The following PDE7B variants were observed in gnomAD, a reference collection of about 807,000 sequenced individuals.
PDE7B encodes the protein 3',5'-cyclic-AMP phosphodiesterase 7B.
In PDE7B, 29 loss-of-function variants were observed where a neutral mutation model predicts 56.2. That is an observed-to-expected ratio of 0.52 (90% CI 0.38 to 0.70). The LOEUF is 0.70. PDE7B is among the 30% of genes least tolerant of loss of function. The pLI is 0.00. For synonymous variants in PDE7B, 197 were observed against 196.9 expected (o/e 1.00, Z 0.00); for missense variants, 490 against 565.0 (o/e 0.87, Z 1.35).
At chr6:136,162,264 C>T (rs1055861050) in intron 8 of PDE7B, 1 of 152,154 alleles carries the variant, frequency 6.6e-6, no homozygotes, top group African/African-American at 2.4e-5. Context: ...TTCTGCAGGG[C>T]TGGGGAGGCC....
intron 2 of PDE7B, among the ~76,000 whole-genome samples, chr6:136,056,388 T>TA (rs1296089441): frequency 6.6e-6 from 1 of 152,204 alleles, no homozygotes; most frequent in Non-Finnish European, 1.5e-5. Context: ...TGGGCCATCT[T>TA]AAAAACTGTC....
intron 1 of PDE7B, among the ~76,000 whole-genome samples, chr6:135,864,783 C>T (rs1053554685): frequency 2.0e-5 from 3 of 151,810 alleles, no homozygotes; most frequent in Non-Finnish European, 4.4e-5. Flanking sequence ...TTATCTCTAG[C>T]CTTTCTTTTT....
chr6:136,028,490 A>G (rs1776188777), intron 2 of PDE7B, among the ~76,000 whole-genome samples: 1 of 152,212 alleles, frequency 6.6e-6, no homozygotes, highest in Non-Finnish European at 1.5e-5. Flanking sequence ...AAACAACACA[A>G]ATTCATTATC....
At chr6:135,930,190 A>C (rs1774271002) in intron 1 of PDE7B, among the ~76,000 whole-genome samples, 1 of 152,182 alleles carries the variant, frequency 6.6e-6, no homozygotes, top group South Asian at 2.1e-4. Context: ...GGCAGCAGGC[A>C]AAGAGAGAGC....
chr6:135,903,208 C>G (rs2128192178), intron 1 of PDE7B, among the ~76,000 whole-genome samples: 1 of 152,300 alleles, frequency 6.6e-6, no homozygotes, highest in South Asian at 2.1e-4. Context: ...GGCCCAAACA[C>G]TGTACTCAAC....
chr6:135,915,386 A>T (rs1773890013), intron 1 of PDE7B, among the ~76,000 whole-genome samples: 1 of 152,138 alleles, frequency 6.6e-6, no homozygotes, highest in Non-Finnish European at 1.5e-5. Context: ...TCCTTGTAAG[A>T]CTTTGCATTC....
At chr6:135,906,829 T>TTTTTTGTTTTTTTTTTTTTTTG (rs1776123254) in intron 1 of PDE7B, among the ~76,000 whole-genome samples, 1 of 142,604 alleles carries the variant, frequency 7.0e-6, no homozygotes, top group African/African-American at 2.8e-5. Context: ...TTTTTTTTTT[T>TTTTTTGTTTTTTTTTTTTTTTG]TTTTTTTAAT....
At chr6:136,049,769 G>T (rs1459317169) in intron 2 of PDE7B, among the ~76,000 whole-genome samples, 1 of 152,214 alleles carries the variant, frequency 6.6e-6, no homozygotes, top group Non-Finnish European at 1.5e-5. Flanking sequence ...AGCATTAGGA[G>T]TGAAGAAGAG....
intron 1 of PDE7B, among the ~76,000 whole-genome samples, chr6:135,871,842 T>C (rs1775387802): frequency 6.8e-6 from 1 of 147,552 alleles, no homozygotes; most frequent in South Asian, 2.1e-4. Context: ...GGTGGAAAGA[T>C]CTAAGTAACT....
At chr6:136,101,490 T>C (rs138912884) in intron 2 of PDE7B, among the ~76,000 whole-genome samples, 2 of 152,338 alleles carry the variant, frequency 1.3e-5, no homozygotes, top group East Asian at 3.9e-4. Context: ...GCTTTAGTCT[T>C]GGGAGGGTGT....
At chr6:135,853,816 G>T (rs578025127) in intron 1 of PDE7B, among the ~76,000 whole-genome samples, 21 of 151,968 alleles carry the variant, frequency 1.4e-4, no homozygotes, top group African/African-American at 4.8e-4. Flanking sequence ...ATAATTACAC[G>T]AGTGCATCAT....
chr6:136,183,628 AAG>A (rs1033713808), intron 11 of PDE7B, among the ~76,000 whole-genome samples: 3 of 151,564 alleles, frequency 2.0e-5, no homozygotes, highest in East Asian at 1.9e-4. Context: ...AGAAAAAAAA[AAG>A]AGTAGATTCC....
At chr6:136,036,981 T>G (rs1466350694) in intron 2 of PDE7B, among the ~76,000 whole-genome samples, 1 of 152,222 alleles carries the variant, frequency 6.6e-6, no homozygotes, top group African/African-American at 2.4e-5. Context: ...CGCCTTTTGT[T>G]GAATTGGTTC....
chr6:136,131,507 T>TC (rs1227455924), intron 3 of PDE7B, among the ~76,000 whole-genome samples: 1 of 147,428 alleles, frequency 6.8e-6, no homozygotes, highest in African/African-American at 2.5e-5. Flanking sequence ...TTTTTTTTTT[T>TC]TTTTTTTTTT....
At chr6:136,079,541 A>G (rs893406404) in intron 2 of PDE7B, among the ~76,000 whole-genome samples, 1 of 152,172 alleles carries the variant, frequency 6.6e-6, no homozygotes, top group African/African-American at 2.4e-5. Context: ...GTTCTGCTGG[A>G]CAGTGCTGAG....
intron 2 of PDE7B, among the ~76,000 whole-genome samples, chr6:136,040,681 C>CAA (rs1776398307): frequency 6.6e-6 from 1 of 152,236 alleles, no homozygotes; most frequent in South Asian, 2.1e-4. Context: ...AACAGCAAGA[C>CAA]ACGGTGCTCC....
Position 136,001,931 on chromosome 6 carries a change from T to G in PDE7B, c.82+54407T>G, listed in dbSNP as rs563670802. Among the ~76,000 whole-genome samples, 36 of 151,736 alleles carry G rather than the reference T, an allele frequency of 2.4e-4. No homozygotes were observed. The East Asian group carries it at 6.2e-3, about 26-fold the overall frequency. On this transcript the variant is annotated intron_variant, in intron 2 of 12. Transcript: ENST00000308191. ...ACCAAAGTTGAAATGAAGGAAAAAA[T>G]GTTAAGGGCAGCCAGAGAGAAAGGT...
At chr6:135,862,030 CA>C (rs1775158696) in intron 1 of PDE7B, among the ~76,000 whole-genome samples, 1 of 151,788 alleles carries the variant, frequency 6.6e-6, no homozygotes, top group Non-Finnish European at 1.5e-5. Context: ...TTTGCTTTTC[CA>C]TAGAGGTAAT....
chr6:136,044,495 T>A (rs1776467791), intron 2 of PDE7B: 1 of 152,156 alleles, frequency 6.6e-6, no homozygotes, highest in Non-Finnish European at 1.5e-5. Flanking sequence ...GAATCCTATT[T>A]AAACATATTC....
Sources: allele counts gnomAD v4.1 joint callset (sites outside exome capture counted in the v4.1 genomes callset), GRCh38; gene constraint gnomAD v4.1.1; transcripts MANE v1.5; gene names NCBI Gene and HGNC (gene_info 2026-07-23, HGNC 2026-07-21).